Variants in PID1 observed in about 807,000 individuals in gnomAD.
PID1 encodes the protein phosphotyrosine interaction domain containing 1, also known as PTB-containing, cubilin and LRP1-interacting protein.
In PID1, 10 loss-of-function variants were observed where a neutral mutation model predicts 19.1. The observed-to-expected ratio is 0.52, with a 90% confidence interval of 0.32 to 0.89. The LOEUF is 0.89. Ranked by LOEUF, PID1 falls within the 40% of genes least tolerant of loss-of-function variation. The pLI is 0.03. For missense variants in PID1, 248 were observed against 285.3 expected, an observed-to-expected ratio of 0.87 and a Z score of 0.94; for synonymous variants, 130 against 116.0, an observed-to-expected ratio of 1.12 and a Z score of -0.78.
At chr2:229,262,862 C>A in intron 1 of PID1, 1 of 1,541,888 alleles carries the variant, frequency 6.5e-7, no homozygotes, top group Non-Finnish European at 8.8e-7. Flanking sequence ...CAATGGCCTT[C>A]TCTGTGCCGC....
chr2:229,163,974 G>C (rs750704944), intron 1 of PID1, among the ~76,000 whole-genome samples: 9 of 152,048 alleles, frequency 5.9e-5, no homozygotes, highest in Non-Finnish European at 1.2e-4. Flanking sequence ...TACATACATA[G>C]CTGAAATCTA....
intron 1 of PID1, among the ~76,000 whole-genome samples, chr2:229,187,339 A>G (rs1445960545): frequency 6.6e-6 from 1 of 152,202 alleles, no homozygotes; most frequent in Non-Finnish European, 1.5e-5. Flanking sequence ...GCTGATAAAG[A>G]CATACCCGAG....
At chr2:229,121,174 C>A (rs1354196832) in intron 2 of PID1, among the ~76,000 whole-genome samples, 1 of 151,956 alleles carries the variant, frequency 6.6e-6, no homozygotes, top group Non-Finnish European at 1.5e-5. Flanking sequence ...TCTGGAGAAC[C>A]CTGAGAAACA....
At chr2:229,089,619 C>T (rs1470773907) in intron 2 of PID1, among the ~76,000 whole-genome samples, 9 of 152,128 alleles carry the variant, frequency 5.9e-5, no homozygotes, top group African/African-American at 1.2e-4. Context: ...TGCTAGGAGG[C>T]GTATTAATTA....
chr2:229,258,174 A>G (rs1280806798), intron 1 of PID1, among the ~76,000 whole-genome samples: 1 of 152,238 alleles, frequency 6.6e-6, no homozygotes, highest in Non-Finnish European at 1.5e-5. Context: ...TGCTAGAAAC[A>G]GGAGAAAAAT....
In PID1 at chr2:229,271,262, T is replaced by C. The variant is rs2106299699; in HGVS notation, c.-219A>G. ...TGTGGGCACGGCCGCGCGCCGGCTGTCCTGGCGCAGCTGCGAGAGGACTGC... is the reference window on the plus strand; with the variant it reads ...TGTGGGCACGGCCGCGCGCCGGCTGCCCTGGCGCAGCTGCGAGAGGACTGC... On this transcript the variant is annotated 5_prime_UTR_variant, in exon 1 of 3. Coordinates refer to ENST00000392055, the MANE Select transcript of PID1 (RefSeq NM_001100818.2). The C allele has an allele frequency of 4.9e-6, 2 of 407,732 alleles. No homozygotes were observed. The highest frequency in any genetic ancestry group is 7.3e-5 in the South Asian group (2 of 27,372). 25.3% of individuals were successfully genotyped at this position (407,732 alleles called of 1,614,324 possible).
At chr2:229,238,123 T>G (rs528218738) in intron 1 of PID1, among the ~76,000 whole-genome samples, 1 of 152,276 alleles carries the variant, frequency 6.6e-6, no homozygotes, top group East Asian at 1.9e-4. Flanking sequence ...TTTAAAACAT[T>G]ATATTTCCTT....
intron 1 of PID1, among the ~76,000 whole-genome samples, chr2:229,191,191 C>T (rs1226794471): frequency 6.6e-6 from 1 of 152,124 alleles, no homozygotes; most frequent in East Asian, 1.9e-4. Flanking sequence ...CATTAGATGA[C>T]AGCTGAATCT....
chr2:229,085,238 AAAG>A (rs1415633015), intron 2 of PID1, among the ~76,000 whole-genome samples: 1 of 152,008 alleles, frequency 6.6e-6, no homozygotes, highest in Non-Finnish European at 1.5e-5. Context: ...AAAAAAAAAA[AAAG>A]AGCAAGTACA....
At chr2:229,108,790 G>A (rs77618191) in intron 2 of PID1, among the ~76,000 whole-genome samples, 2,302 of 152,232 alleles carry the variant, frequency 0.015, 27 homozygotes, top group South Asian at 0.036. Context: ...ACAGTCGTCT[G>A]AGTGATGGGC....
At chr2:229,258,601 A>C (rs950863745) in intron 1 of PID1, among the ~76,000 whole-genome samples, 1 of 152,176 alleles carries the variant, frequency 6.6e-6, no homozygotes, top group Non-Finnish European at 1.5e-5. Context: ...AAGCTGCACA[A>C]TTTGATTTGT....
chr2:229,059,961 C>G (rs1694179103), intron 2 of PID1, among the ~76,000 whole-genome samples: 3 of 152,000 alleles, frequency 2.0e-5, no homozygotes, highest in Admixed American at 2.0e-4. Context: ...CCTATTTTTT[C>G]CCACCAGTTG....
intron 2 of PID1, among the ~76,000 whole-genome samples, chr2:229,045,322 T>C (rs1174518226): frequency 6.6e-6 from 1 of 152,244 alleles, no homozygotes; most frequent in Non-Finnish European, 1.5e-5. Flanking sequence ...GAATAAGTGA[T>C]AATAGTTGAT....
chr2:229,042,039 A>G (rs1375572732), intron 2 of PID1, among the ~76,000 whole-genome samples: 1 of 152,134 alleles, frequency 6.6e-6, no homozygotes, highest in Non-Finnish European at 1.5e-5. Flanking sequence ...ATAAATGTCA[A>G]TTTTCTGATT....
At chr2:229,126,096 G>A (rs758685735) in intron 2 of PID1, among the ~76,000 whole-genome samples, 6 of 152,026 alleles carry the variant, frequency 3.9e-5, no homozygotes, top group Admixed American at 2.0e-4. Context: ...ACTACATCAC[G>A]AGTTTGCAAC....
chr2:229,128,864 G>A (rs1004713705), intron 2 of PID1, among the ~76,000 whole-genome samples: 23 of 152,126 alleles, frequency 1.5e-4, no homozygotes, highest in African/African-American at 5.3e-4. Flanking sequence ...AATACTAACT[G>A]AATCGTACAT....
At chr2:229,077,342 C>T (rs1444288018) in intron 2 of PID1, among the ~76,000 whole-genome samples, 1 of 152,150 alleles carries the variant, frequency 6.6e-6, no homozygotes, top group Non-Finnish European at 1.5e-5. Flanking sequence ...GCTGCCTGTT[C>T]ACTCTGATGA....
At chr2:229,097,084 T>A (rs922093561) in intron 2 of PID1, among the ~76,000 whole-genome samples, 1 of 152,068 alleles carries the variant, frequency 6.6e-6, no homozygotes, top group Admixed American at 6.6e-5. Context: ...CAAGATAAAA[T>A]AAAGCCTTCA....
chr2:229,091,955 A>T (rs1214476399), intron 2 of PID1, among the ~76,000 whole-genome samples: 1 of 152,146 alleles, frequency 6.6e-6, no homozygotes, highest in African/African-American at 2.4e-5. Flanking sequence ...TCCTGGTACA[A>T]ATACTTGGGA....
Sources: gnomAD v4.1 joint callset for allele counts (sites outside exome capture counted in the v4.1 genomes callset) on GRCh38, gnomAD v4.1.1 for gene constraint, MANE v1.5 for transcripts, NCBI Gene and HGNC (gene_info 2026-07-23, HGNC 2026-07-21) for gene names.